The following SORBS2 variants were observed in gnomAD, a reference collection of about 807,000 sequenced individuals.
The protein encoded by SORBS2 is sorbin and SH3 domain-containing protein 2.
In SORBS2, 46 loss-of-function variants were observed where a neutral mutation model predicts 97.7. The ratio of observed to expected loss-of-function variants is 0.47; its 90% CI spans 0.37 to 0.60. SORBS2 has a LOEUF of 0.60. SORBS2 is among the 20% of genes least tolerant of loss of function. The probability of loss-of-function intolerance (pLI) is 0.00; values close to 1 mark genes in which losing one functional copy is unlikely to be tolerated. For missense variants in SORBS2, 1,316 were observed against 1,282.3 expected, an observed-to-expected ratio of 1.03 and a Z score of -0.40; for synonymous variants, 476 against 473.4, an observed-to-expected ratio of 1.01 and a Z score of -0.07.
upstream of SORBS2, among the ~76,000 whole-genome samples, chr4:185,659,673 G>A (rs957628922): frequency 6.6e-6 from 1 of 151,838 alleles, no homozygotes; most frequent in African/African-American, 2.4e-5. Flanking sequence ...CACCCGCCTC[G>A]GCCTTCCAAA....
At chr4:185,680,095 C>T (rs2097848957) in intron 2 of SORBS2, among the ~76,000 whole-genome samples, 1 of 152,048 alleles carries the variant, frequency 6.6e-6, no homozygotes, top group African/African-American at 2.4e-5. Flanking sequence ...AAAATGGGTA[C>T]CATAGAGAAA....
intron 2 of SORBS2, among the ~76,000 whole-genome samples, chr4:185,698,478 G>T: frequency 6.7e-6 from 1 of 148,442 alleles, no homozygotes; most frequent in Non-Finnish European, 1.5e-5. Flanking sequence ...GGGTGACAGA[G>T]CAAGACTCCA....
intron 4 of SORBS2, among the ~76,000 whole-genome samples, chr4:185,642,473 G>A (rs2153450102): frequency 6.6e-6 from 1 of 151,790 alleles, no homozygotes; most frequent in East Asian, 1.9e-4. Context: ...AAAGGTTTTA[G>A]TAATATAATC....
chr4:185,710,777 A>G lies in SORBS2; in HGVS notation c.-197-31955T>C, dbSNP rs1307493975. Among the ~76,000 whole-genome samples the G allele has an allele frequency of 3.3e-5, 5 of 152,304 alleles. No individual in the cohort carries two copies. The East Asian group carries it at 9.7e-4, about 29-fold the overall frequency. On this transcript the variant is annotated intron_variant, in intron 2 of 20. Coordinates refer to the SORBS2 transcript ENST00000284776. ...GTGGGCACTGGCCAGCCTGTTGCTC[A>G]TGCAGCGTGGGAGGTGAGCGGGCAC...
At chr4:185,815,904 GAAATA>G (rs1397872306) in intron 1 of SORBS2, among the ~76,000 whole-genome samples, 1 of 152,112 alleles carries the variant, frequency 6.6e-6, no homozygotes, top group African/African-American at 2.4e-5. Context: ...TTTAAAAAAT[GAAATA>G]AAATGAGAAT....
At chr4:185,880,284 G>A (rs1334647301) in intron 1 of SORBS2, among the ~76,000 whole-genome samples, 2 of 152,230 alleles carry the variant, frequency 1.3e-5, no homozygotes, top group Non-Finnish European at 2.9e-5. Flanking sequence ...GGTTGCAGGT[G>A]TATTTTGTTA....
intron 1 of SORBS2, among the ~76,000 whole-genome samples, chr4:185,858,253 TAGGAAG>T (rs1265260979): frequency 6.6e-6 from 1 of 152,182 alleles, no homozygotes; most frequent in Non-Finnish European, 1.5e-5. Flanking sequence ...GTTGGCTTTA[TAGGAAG>T]AGGAAGAGAG....
At chr4:185,694,998 C>T (rs1442567462) in intron 2 of SORBS2, among the ~76,000 whole-genome samples, 1 of 151,966 alleles carries the variant, frequency 6.6e-6, no homozygotes, top group Non-Finnish European at 1.5e-5. Flanking sequence ...AGCCACCACG[C>T]CTGGCCAATT....
rs748769484 is a variant in SORBS2, at chr4:185,623,465, CGGT to C, written c.1661_1663del (p.His554del). On this transcript the variant is annotated inframe_deletion, in exon 7 of 15. Transcript: ENST00000418609. The surrounding 1 kb of genome is among the most constrained non-coding windows in gnomAD (Gnocchi z 6.4). ...GCCTTTGCAGGAGCTGATGAGGTGG[CGGT>C]GGTGGTGGTGGTGGTGATGGTGGTG... 52 of 1,611,550 alleles carry C rather than the reference CGGT, an allele frequency of 3.2e-5. No homozygotes were observed. Among genetic ancestry groups the C allele is most frequent in the Non-Finnish European group, 3.0e-5 (35 of 1,179,754 alleles).
In SORBS2 at chr4:185,917,928, G is replaced by A. The variant is rs113207972; in HGVS notation, c.-338+38268C>T. Among the ~76,000 whole-genome samples, 8 of 152,290 alleles carry A rather than the reference G, an allele frequency of 5.3e-5. No homozygotes were observed. The South Asian group carries it at 6.2e-4, about 12-fold the overall frequency. ...CCACTCAGATTGAGAAACCCTGACT[G>A]TCAACGATAGAACGGGTCAAGACTT... is the stretch of plus-strand genomic sequence containing the variant. On this transcript the variant is annotated intron_variant, in intron 1 of 20. Coordinates refer to the SORBS2 transcript ENST00000284776.
chr4:185,867,414 C>T lies in SORBS2; in HGVS notation c.-338+88782G>A, dbSNP rs61014701. Among the ~76,000 whole-genome samples, 351 of 152,304 alleles carry T rather than the reference C, an allele frequency of 2.3e-3. 2 individuals carry two copies. Among genetic ancestry groups the T allele is most frequent in the African/African-American group, 7.7e-3 (321 of 41,568 alleles). Reference sequence around the variant, plus strand: ...GTTATGACAAGATGATCCCTCTTCACCTGATATGAAAACAGGCACGAGTAG... The same window carrying T: ...GTTATGACAAGATGATCCCTCTTCATCTGATATGAAAACAGGCACGAGTAG... On this transcript the variant is annotated intron_variant, in intron 1 of 20. Coordinates refer to the SORBS2 transcript ENST00000284776.
intron 1 of SORBS2, among the ~76,000 whole-genome samples, chr4:185,883,709 G>A (rs1324563116): frequency 2.6e-5 from 4 of 152,110 alleles, no homozygotes; most frequent in East Asian, 1.9e-4. Flanking sequence ...TAAATTATCC[G>A]GGTGTGGTGG....
At chr4:185,933,215 T>C (rs901848917) in intron 1 of SORBS2, 4 of 152,208 alleles carry the variant, frequency 2.6e-5, no homozygotes, top group African/African-American at 4.8e-5. Flanking sequence ...TACAGTTTCA[T>C]ATGTTGGTAA....
chr4:185,594,448 A>G (rs1018050924), intron 12 of SORBS2, among the ~76,000 whole-genome samples: 5 of 152,256 alleles, frequency 3.3e-5, no homozygotes, highest in Non-Finnish European at 7.3e-5. Context: ...ATCCCATGCT[A>G]CATTTGAATT....
At chr4:185,665,912 C>T (rs1336241767) in intron 4 of SORBS2, 1 of 1,201,624 alleles carries the variant, frequency 8.3e-7, no homozygotes, top group Non-Finnish European at 1.1e-6. Flanking sequence ...AGGGAGGAGT[C>T]TGTTGTCAGA....
chr4:185,840,749 C>A (rs1225586551), intron 1 of SORBS2, among the ~76,000 whole-genome samples: 1 of 152,180 alleles, frequency 6.6e-6, no homozygotes, highest in Non-Finnish European at 1.5e-5. Flanking sequence ...TTCATTCAAC[C>A]ATTGCTCTGT....
At chr4:185,590,246 T>A (rs2095892608) in intron 13 of SORBS2, among the ~76,000 whole-genome samples, 1 of 152,136 alleles carries the variant, frequency 6.6e-6, no homozygotes, top group African/African-American at 2.4e-5. Flanking sequence ...AAGCAAATAA[T>A]GGGGGCTTGA....
exon 4 of SORBS2, chr4:185,646,771 T>A: frequency 6.2e-7 from 1 of 1,601,702 alleles, no homozygotes; most frequent in Non-Finnish European, 8.6e-7. Flanking sequence ...GTCTGGAGGA[T>A]CCCAGTCATG....
chr4:185,845,435 C>T (rs1374194817), intron 1 of SORBS2, among the ~76,000 whole-genome samples: 4 of 152,006 alleles, frequency 2.6e-5, no homozygotes, highest in Non-Finnish European at 5.9e-5. Context: ...ATATTATGTG[C>T]ATTTTGCAAC....
Sources: gnomAD v4.1 joint callset for allele counts (sites outside exome capture counted in the v4.1 genomes callset) on GRCh38, gnomAD v4.1.1 for gene constraint, Gnocchi (gnomAD v3.1) non-coding constraint, MANE v1.5 for transcripts, NCBI Gene and HGNC (gene_info 2026-07-23, HGNC 2026-07-21) for gene names.